The following ANTXR2 variants were observed in gnomAD, a reference collection of about 807,000 sequenced individuals.
ANTXR2 encodes the protein anthrax toxin receptor 2.
Under a neutral mutation model 73.7 loss-of-function variants are expected in ANTXR2, and 44 were observed. That is an observed-to-expected ratio of 0.60 (90% CI 0.47 to 0.77). ANTXR2 has a LOEUF of 0.77. Among genes scored for constraint, ANTXR2 ranks in the 30% least tolerant of loss-of-function variants. The pLI is 0.00. For missense variants in ANTXR2, 604 were observed against 592.5 expected (o/e 1.02, Z -0.20); for synonymous variants, 217 against 205.9 (o/e 1.05, Z -0.46).
intron 10 of ANTXR2, among the ~76,000 whole-genome samples, chr4:80,021,775 AC>A (rs1477149198): frequency 6.6e-6 from 1 of 152,142 alleles, no homozygotes; most frequent in Non-Finnish European, 1.5e-5. Context: ...TAAAAAAAAA[AC>A]AAAAACTGAG....
chr4:79,946,510 T>A (rs551506372), intron 16 of ANTXR2, among the ~76,000 whole-genome samples: 26 of 152,192 alleles, frequency 1.7e-4, no homozygotes, highest in South Asian at 6.2e-4. Context: ...CAATCTCACA[T>A]CAATCAATCA....
chr4:79,934,390 G>C (rs1728178217), intron 16 of ANTXR2, among the ~76,000 whole-genome samples: 1 of 152,078 alleles, frequency 6.6e-6, no homozygotes, highest in South Asian at 2.1e-4. Flanking sequence ...AGCCGGGCAT[G>C]GTTGGATATG....
At chr4:79,926,986 T>TATATGTGTATATATACACGTGTGC in intron 16 of ANTXR2, among the ~76,000 whole-genome samples, 1 of 120,174 alleles carries the variant, frequency 8.3e-6, no homozygotes, top group African/African-American at 4.1e-5. Context: ...TACGTGTGCA[T>TATATGTGTATATATACACGTGTGC]ATATGTGTAT....
intron 16 of ANTXR2, among the ~76,000 whole-genome samples, chr4:79,975,828 A>G (rs1729600036): frequency 2.6e-5 from 4 of 152,156 alleles, no homozygotes; most frequent in Non-Finnish European, 1.5e-5. Context: ...TTATAAACCA[A>G]CTAGTTCTCT....
At chr4:79,936,918 C>T (rs577115727) in intron 16 of ANTXR2, among the ~76,000 whole-genome samples, 1 of 152,022 alleles carries the variant, frequency 6.6e-6, no homozygotes, top group East Asian at 1.9e-4. Context: ...CTTATATTTT[C>T]TATTTTTTTC....
intron 16 of ANTXR2, 135 bp downstream of exon 16, chr4:79,977,486 A>G: frequency 1.4e-6 from 2 of 1,456,526 alleles, no homozygotes; most frequent in Non-Finnish European, 1.8e-6. Context: ...TCTATGTAAT[A>G]GAAATCTACA....
intron 12 of ANTXR2, among the ~76,000 whole-genome samples, chr4:79,994,144 T>C (rs1378026092): frequency 2.0e-5 from 3 of 152,042 alleles, no homozygotes; most frequent in African/African-American, 7.2e-5. Flanking sequence ...ATAGCCTTTT[T>C]TGCATCAATG....
chr4:80,033,580 A>G lies in ANTXR2; in HGVS notation c.698-10T>C. 6.4e-7 allele frequency: 1 copy of G among 1,563,450 alleles called. No individual in the cohort carries two copies. Among genetic ancestry groups the G allele is most frequent in the Non-Finnish European group, 8.6e-7 (1 of 1,160,516 alleles). On this transcript the variant is annotated splice_polypyrimidine_tract_variant and intron_variant, in intron 8 of 16. Coordinates refer to ENST00000403729, the MANE Select transcript of ANTXR2 (RefSeq NM_058172.6). ...ACAATCTGAAATTCCTCTAGAAGTA[A>G]AAGGAAAAATAAACATTTAATCACT...
At chr4:79,950,617 A>G (rs1375261274) in intron 16 of ANTXR2, among the ~76,000 whole-genome samples, 3 of 152,128 alleles carry the variant, frequency 2.0e-5, no homozygotes, top group Non-Finnish European at 2.9e-5. Flanking sequence ...TCAAGGTGCT[A>G]TTTCAAACTT....
intron 12 of ANTXR2, among the ~76,000 whole-genome samples, chr4:79,999,856 T>C (rs1318550934): frequency 6.6e-6 from 1 of 151,846 alleles, no homozygotes; most frequent in Non-Finnish European, 1.5e-5. Context: ...CGAGGAGTTC[T>C]AGGCTGCAGC....
At chr4:80,032,415 A>T (rs1328744506) in intron 9 of ANTXR2, among the ~76,000 whole-genome samples, 1 of 151,892 alleles carries the variant, frequency 6.6e-6, no homozygotes, top group East Asian at 1.9e-4. Context: ...AAATAAAATT[A>T]TCTTGTCCTA....
intron 10 of ANTXR2, among the ~76,000 whole-genome samples, chr4:80,027,245 A>C (rs1189198175): frequency 7.2e-5 from 11 of 152,212 alleles, no homozygotes; most frequent in Admixed American, 7.2e-4. Flanking sequence ...TACAGATAGA[A>C]GTATACTTTT....
intron 7 of ANTXR2, among the ~76,000 whole-genome samples, chr4:80,050,709 C>T (rs1388939332): frequency 6.6e-6 from 1 of 151,652 alleles, no homozygotes; most frequent in East Asian, 1.9e-4. Flanking sequence ...CTATTCCCAA[C>T]TGCATTTTGT....
chr4:80,006,100 C>T (rs574687845), intron 12 of ANTXR2, among the ~76,000 whole-genome samples: 9 of 152,222 alleles, frequency 5.9e-5, no homozygotes, highest in African/African-American at 1.7e-4. Flanking sequence ...GTCATCAGGT[C>T]AGTCAGGTTT....
At chr4:79,921,338 T>C (rs10012113) in intron 16 of ANTXR2, among the ~76,000 whole-genome samples, 123,357 of 151,900 alleles carry the variant, frequency 0.81, 50,304 homozygotes, top group East Asian at 1. Flanking sequence ...TTATTCCTAG[T>C]TAAGTTAGGT....
intron 16 of ANTXR2, among the ~76,000 whole-genome samples, chr4:79,933,139 T>C (rs749573476): frequency 1.3e-5 from 2 of 152,210 alleles, no homozygotes; most frequent in Non-Finnish European, 2.9e-5. Context: ...AAGTGGACTA[T>C]AGTAAATCTG....
chr4:79,976,806 A>T (rs1338618543), intron 16 of ANTXR2, among the ~76,000 whole-genome samples: 1 of 152,156 alleles, frequency 6.6e-6, no homozygotes, highest in Non-Finnish European at 1.5e-5. Flanking sequence ...CCTGCATCAG[A>T]TTCCTTCTTA....
chr4:79,934,039 A>G (rs1728165105), intron 16 of ANTXR2, among the ~76,000 whole-genome samples: 1 of 151,980 alleles, frequency 6.6e-6, no homozygotes, highest in Non-Finnish European at 1.5e-5. Context: ...CGCCTGGCCA[A>G]TTGTTTCTAT....
intron 7 of ANTXR2, among the ~76,000 whole-genome samples, chr4:80,043,878 T>C (rs1328918273): frequency 6.6e-6 from 1 of 151,872 alleles, no homozygotes; most frequent in Non-Finnish European, 1.5e-5. Context: ...CTGGACACTC[T>C]AGGAATGTCC....
Sources: allele counts gnomAD v4.1 joint callset (sites outside exome capture counted in the v4.1 genomes callset), GRCh38; gene constraint gnomAD v4.1.1; transcripts MANE v1.5; gene names NCBI Gene and HGNC (gene_info 2026-07-23, HGNC 2026-07-21).